Variants in PIK3CB observed in about 807,000 individuals in gnomAD.
PIK3CB encodes phosphatidylinositol-4,5-bisphosphate 3-kinase catalytic subunit beta.
A neutral mutation model predicts 136.8 loss-of-function variants in PIK3CB; 39 were observed. The observed-to-expected ratio is 0.29, with a 90% CI of 0.22 to 0.37. The LOEUF (loss-of-function observed/expected upper bound fraction) is 0.37. PIK3CB is among the 10% of genes least tolerant of loss of function. The probability of loss-of-function intolerance (pLI) is 1.00; values close to 1 mark genes in which losing one functional copy is unlikely to be tolerated. For missense variants in PIK3CB, 868 were observed against 1,275.4 expected, an observed-to-expected ratio of 0.68 and a Z score of 4.87; for synonymous variants, 428 against 436.6, an observed-to-expected ratio of 0.98 and a Z score of 0.25.
At chr3:138,656,625 G>A (rs2043196581) in intron 22 of PIK3CB, among the ~76,000 whole-genome samples, 1 of 152,108 alleles carries the variant, frequency 6.6e-6, no homozygotes, top group Non-Finnish European at 1.5e-5. Context: ...AAGGATTTCT[G>A]AACATACTTC....
rs1360261386 is a variant in PIK3CB at position 138,665,078 on chromosome 3, T to C, written c.2630A>G (p.Asn877Ser). The C allele has an allele frequency of 6.2e-7, 1 of 1,612,720 alleles. No homozygotes were observed. Among genetic ancestry groups the C allele is most frequent in the Non-Finnish European group, 8.5e-7 (1 of 1,179,202 alleles). The change falls in exon 20 of 24, where the codon AAC becomes AGC. Residue 877 changes from asparagine (N) to serine (S), a missense_variant. Around this residue, in one of 4 missense-constraint regions of PIK3CB, gnomAD observed 165 missense variants for 295.4 expected, o/e 0.56. Coordinates refer to ENST00000674063, the MANE Select transcript of PIK3CB (RefSeq NM_006219.3). ...AAGCCAGTTCAGAAGGGCATCTTTGTTGAAGGCTGCTGCAGCAGCCACATT... is the reference window on the plus strand; with the variant it reads ...AAGCCAGTTCAGAAGGGCATCTTTGCTGAAGGCTGCTGCAGCAGCCACATT... ...SSNVAAAAAF[N>S]KDALLNWLKE...
intron 13 of PIK3CB, among the ~76,000 whole-genome samples, chr3:138,695,563 A>G (rs998198665): frequency 1.3e-5 from 2 of 152,186 alleles, no homozygotes; most frequent in African/African-American, 4.8e-5. Context: ...CTAAATGAGT[A>G]TCTACCAGCT....
intron 8 of PIK3CB, among the ~76,000 whole-genome samples, chr3:138,727,553 C>A (rs951730570): frequency 7.9e-5 from 12 of 152,358 alleles, no homozygotes; most frequent in African/African-American, 2.9e-4. Flanking sequence ...TCACATGGAA[C>A]AGAACTGGGC....
chr3:138,751,225 G>A (rs902029562), intron 4 of PIK3CB, among the ~76,000 whole-genome samples: 8 of 151,912 alleles, frequency 5.3e-5, no homozygotes, highest in East Asian at 3.9e-4. Context: ...TTGGGAGGCC[G>A]AGGCGGGCGG....
At chr3:138,786,733 A>G (rs1220705106) in intron 2 of PIK3CB, among the ~76,000 whole-genome samples, 1 of 152,194 alleles carries the variant, frequency 6.6e-6, no homozygotes, top group Non-Finnish European at 1.5e-5. Context: ...CCTCCACATA[A>G]AACTATTTAA....
intron 17 of PIK3CB, 94 bp downstream of exon 17, chr3:138,684,531 C>T: frequency 1.2e-6 from 1 of 830,530 alleles, no homozygotes; most frequent in Non-Finnish European, 1.8e-6. Context: ...ATTCTACTTC[C>T]TGAGGCTGAC....
At chr3:138,669,361 T>C (rs1392896908) in intron 19 of PIK3CB, among the ~76,000 whole-genome samples, 1 of 128,934 alleles carries the variant, frequency 7.8e-6, no homozygotes, top group African/African-American at 3.0e-5. Flanking sequence ...TGAACCATGA[T>C]TGTGCTACTG....
chr3:138,698,725 G>C (rs2108529108), intron 13 of PIK3CB, among the ~76,000 whole-genome samples, 182 bp downstream of exon 13: 1 of 152,250 alleles, frequency 6.6e-6, no homozygotes, highest in Non-Finnish European at 1.5e-5. Context: ...CAAAATCTGA[G>C]ATTTTTAAAT....
intron 10 of PIK3CB, chr3:138,707,530 C>G: frequency 1.6e-6 from 2 of 1,248,346 alleles, no homozygotes; most frequent in Non-Finnish European, 2.0e-6. Flanking sequence ...ACTACTTTAC[C>G]TCTTAATTCA....
intron 2 of PIK3CB, among the ~76,000 whole-genome samples, chr3:138,761,733 G>A (rs1048843467): frequency 7.2e-5 from 11 of 152,134 alleles, no homozygotes; most frequent in African/African-American, 2.7e-4. Context: ...CAGCACCATT[G>A]CACTCCAGCC....
In PIK3CB at chr3:138,825,613, A is replaced by G; in HGVS notation, c.-122+9082T>C. 4 of 620,624 alleles carry G rather than the reference A, an allele frequency of 6.4e-6. No individual in the cohort carries two copies. In the South Asian group the frequency reaches 8.0e-5, roughly 12 times the overall value. 38.4% of individuals were successfully genotyped at this position (620,624 alleles called of 1,614,324 possible). A position where few individuals can be genotyped will look rare whatever the true frequency, so the allele number is the denominator to read the frequency against. On this transcript the variant is annotated intron_variant, in intron 1 of 23. Transcript: ENST00000674063. ...AGTCACCCATAAAGATGGCAATGCC[A>G]GGGGAACCATGCTACTCGAAGCTCT...
chr3:138,731,250 T>C (rs2044966149), intron 8 of PIK3CB, among the ~76,000 whole-genome samples: 1 of 152,114 alleles, frequency 6.6e-6, no homozygotes, highest in Non-Finnish European at 1.5e-5. Context: ...CACTTTTTCT[T>C]TTCCTTTCTT....
intron 1 of PIK3CB, chr3:138,826,299 G>A: frequency 6.3e-7 from 1 of 1,597,474 alleles, no homozygotes; most frequent in Non-Finnish European, 8.5e-7. Flanking sequence ...AGGTCACCAA[G>A]TCTGCCCAGA....
intron 1 of PIK3CB, among the ~76,000 whole-genome samples, chr3:138,827,979 C>A (rs533862965): frequency 6.6e-6 from 1 of 151,464 alleles, no homozygotes; most frequent in Non-Finnish European, 1.5e-5. Flanking sequence ...CAGAGCGAGA[C>A]TCCGTCTCAA....
At position 138,808,881 on chromosome 3, in the gene PIK3CB, G is replaced by A. The variant is rs191963026; in HGVS notation, c.-121-12314C>T. Among the ~76,000 whole-genome samples, 241 of 151,766 alleles carry A rather than the reference G, an allele frequency of 1.6e-3. 4 individuals are homozygous for A. The highest frequency in any genetic ancestry group is 1.9e-4 in the Non-Finnish European group (13 of 67,960). On this transcript the variant is annotated intron_variant, in intron 1 of 23. Transcript: ENST00000674063. ...TATATATTTAAAAGTATTTATTTCTGCTGTTTAAAGGGAAAATCTAGTTGA... is the reference window on the plus strand; with the variant it reads ...TATATATTTAAAAGTATTTATTTCTACTGTTTAAAGGGAAAATCTAGTTGA...
intron 1 of PIK3CB, among the ~76,000 whole-genome samples, chr3:138,810,922 A>AAAAG (rs778877753): frequency 7.9e-5 from 12 of 151,300 alleles, no homozygotes; most frequent in Non-Finnish European, 1.5e-4. Context: ...TCCGTCTCAA[A>AAAAG]AAATAAATAA....
intron 22 of PIK3CB, among the ~76,000 whole-genome samples, chr3:138,656,485 T>C (rs527616894): frequency 5.3e-5 from 8 of 152,336 alleles, no homozygotes; most frequent in African/African-American, 1.2e-4. Context: ...ATCACAGATA[T>C]ATTTTTCAAA....
At chr3:138,805,051 T>C (rs1216183457) in intron 1 of PIK3CB, among the ~76,000 whole-genome samples, 2 of 142,622 alleles carry the variant, frequency 1.4e-5, no homozygotes, top group Admixed American at 1.4e-4. Context: ...CCCTCAGTAT[T>C]TGGCCAGGTG....
intron 4 of PIK3CB, among the ~76,000 whole-genome samples, chr3:138,743,187 T>G (rs1046606163): frequency 1.3e-5 from 2 of 152,164 alleles, no homozygotes; most frequent in African/African-American, 2.4e-5. Context: ...GTTTCAATAC[T>G]ATATTAGAAG....
Sources: allele counts gnomAD v4.1 joint callset (sites outside exome capture counted in the v4.1 genomes callset), GRCh38; gene constraint gnomAD v4.1.1; regional missense constraint gnomAD v4.1.1; transcripts MANE v1.5; gene names NCBI Gene and HGNC (gene_info 2026-07-23, HGNC 2026-07-21).